DNAH5: variants seen among roughly 807,000 people sequenced by gnomAD.
The protein encoded by DNAH5 is dynein axonemal heavy chain 5, also known as axonemal beta dynein heavy chain 5.
DNAH5 carries 372 observed loss-of-function variants against 518.2 expected under a neutral mutation model. The ratio of observed to expected loss-of-function variants is 0.72; its 90% CI spans 0.66 to 0.78. The LOEUF (loss-of-function observed/expected upper bound fraction) is 0.78, where lower values mean the gene tolerates loss of function less well. DNAH5 is among the 30% of genes least tolerant of loss of function. The pLI is 0.00. For missense variants in DNAH5, 5,523 were observed against 5,687.0 expected (o/e 0.97, Z 0.93); for synonymous variants, 2,039 against 2,025.9 (o/e 1.01, Z -0.17).
At chr5:13,755,912 T>C (rs917484857) in intron 61 of DNAH5, among the ~76,000 whole-genome samples, 7 of 152,220 alleles carry the variant, frequency 4.6e-5, no homozygotes, top group Non-Finnish European at 8.8e-5. Flanking sequence ...CCAGGCTTCT[T>C]TGGGGGATTA....
At chr5:13,978,053 A>C (rs201217712) in intron 1 of DNAH5, among the ~76,000 whole-genome samples, 1 of 152,210 alleles carries the variant, frequency 6.6e-6, no homozygotes, top group East Asian at 1.9e-4. Flanking sequence ...TGCAGCTTTG[A>C]GGCCCAAGGG....
chr5:13,896,943 C>T (rs1773983408), intron 15 of DNAH5, among the ~76,000 whole-genome samples: 1 of 144,284 alleles, frequency 6.9e-6, no homozygotes, highest in Non-Finnish European at 1.5e-5. Flanking sequence ...GTTTTCCAAA[C>T]TGTTTTGCCT....
At chr5:13,891,379 CTTATT>C (rs1479247367) in intron 16 of DNAH5, among the ~76,000 whole-genome samples, 7 of 152,138 alleles carry the variant, frequency 4.6e-5, no homozygotes, top group African/African-American at 1.7e-4. Context: ...TATGATCATT[CTTATT>C]ATAAAGTTTT....
At chr5:13,720,602 G>A (rs1360546989) in intron 71 of DNAH5, among the ~76,000 whole-genome samples, 1 of 152,028 alleles carries the variant, frequency 6.6e-6, no homozygotes, top group Non-Finnish European at 1.5e-5. Flanking sequence ...TTGAACTCCT[G>A]AGCTCAAGCA....
chr5:13,808,446 CCTAGCAAA>C (rs1580353426), intron 46 of DNAH5, among the ~76,000 whole-genome samples: 2 of 151,970 alleles, frequency 1.3e-5, no homozygotes, highest in Non-Finnish European at 2.9e-5. Context: ...TTACAGCAGC[CCTAGCAAA>C]CTAGCTCAGC....
At chr5:13,935,071 G>A (rs1179501321) in intron 1 of DNAH5, among the ~76,000 whole-genome samples, 1 of 152,112 alleles carries the variant, frequency 6.6e-6, no homozygotes, top group Non-Finnish European at 1.5e-5. Flanking sequence ...CAGGAATTCA[G>A]CAACAACACA....
At position 13,882,849 on chromosome 5, in the gene DNAH5, C is replaced by T. The variant is rs13170062; in HGVS notation, c.3175-34G>A. 479,105 of 1,613,216 alleles carry T rather than the reference C, an allele frequency of 0.3. 73,953 individuals are homozygous for T. The highest frequency in any genetic ancestry group is 0.58 in the East Asian group (26,183 of 44,858). On this transcript the variant is annotated intron_variant, in intron 20 of 78. Coordinates refer to ENST00000265104, the MANE Select transcript of DNAH5 (RefSeq NM_001369.3). ...TAAAAGGATATTTTTCAGTTCTGTC[C>T]TATCTGTAAAAGAAGTGGTTTCCAT...
chr5:13,876,054 T>A (rs184559289), intron 22 of DNAH5, among the ~76,000 whole-genome samples: 8 of 152,302 alleles, frequency 5.3e-5, no homozygotes, highest in East Asian at 3.9e-4. Context: ...AGAGTTTTTT[T>A]AAAAAATAAA....
intron 12 of DNAH5, among the ~76,000 whole-genome samples, chr5:13,910,375 T>C (rs550257137): frequency 6.6e-6 from 1 of 152,298 alleles, no homozygotes; most frequent in East Asian, 1.9e-4. Flanking sequence ...AATTAGCACA[T>C]ACAAAGTGCT....
chr5:13,713,182 TAC>T (rs1340486476), intron 75 of DNAH5, among the ~76,000 whole-genome samples: 12 of 138,870 alleles, frequency 8.6e-5, no homozygotes, highest in South Asian at 2.3e-4. Context: ...TATATATATA[TAC>T]GGACATATAT....
intron 35 of DNAH5, among the ~76,000 whole-genome samples, chr5:13,838,699 C>T (rs758836573): frequency 4.6e-5 from 7 of 152,078 alleles, no homozygotes; most frequent in Non-Finnish European, 1.0e-4. Context: ...AAATAAAGTG[C>T]ACAATAAATG....
At chr5:13,935,540 A>T (rs571089156) in intron 1 of DNAH5, among the ~76,000 whole-genome samples, 1 of 152,208 alleles carries the variant, frequency 6.6e-6, no homozygotes, top group South Asian at 2.1e-4. Flanking sequence ...GCCTGAAGAC[A>T]AGTAATATGA....
chr5:13,692,197 G>A, intron 78 of DNAH5, 62 bp from the exon 79 acceptor site: 2 of 1,565,194 alleles, frequency 1.3e-6, no homozygotes, highest in Non-Finnish European at 1.8e-6. Flanking sequence ...CAAGGAGAAT[G>A]CAGAGCCATG....
At chr5:13,985,911 G>A (rs1783022136) in intron 1 of DNAH5, among the ~76,000 whole-genome samples, 1 of 152,230 alleles carries the variant, frequency 6.6e-6, no homozygotes, top group Non-Finnish European at 1.5e-5. Context: ...ATTCAGTGAA[G>A]CGTCTGCTCC....
chr5:13,946,835 GAAC>G (rs1779964399), upstream of DNAH5, among the ~76,000 whole-genome samples: 1 of 152,226 alleles, frequency 6.6e-6, no homozygotes, highest in Non-Finnish European at 1.5e-5. Context: ...TTCATTCATT[GAAC>G]AAAAGCTCGT....
At chr5:13,852,105 G>GC (rs60823017) in intron 30 of DNAH5, among the ~76,000 whole-genome samples, 152,256 of 152,260 alleles carry the variant, frequency 1, 76,126 homozygotes, top group Middle Eastern at 1. Context: ...CCCCACAAGG[G>GC]CCTGGGTTTC....
intron 35 of DNAH5, among the ~76,000 whole-genome samples, chr5:13,837,692 CTTTTTTTTTTTTTTTT>C (rs534618242): frequency 0.042 from 3,999 of 95,194 alleles, 209 homozygotes; most frequent in African/African-American, 0.15. Context: ...GGGAACTCCA[CTTTTTTTTTTTTTTTT>C]TTTTTTTTTT....
chr5:13,981,169 T>A (rs948143796), intron 1 of DNAH5, among the ~76,000 whole-genome samples: 1 of 152,232 alleles, frequency 6.6e-6, no homozygotes, highest in East Asian at 1.9e-4. Flanking sequence ...TGGTCTGTTG[T>A]GTCTGCGGCT....
chr5:13,813,500 C>CTAA (rs1319306758), intron 43 of DNAH5, among the ~76,000 whole-genome samples: 1 of 146,686 alleles, frequency 6.8e-6, no homozygotes, highest in Non-Finnish European at 1.5e-5. Context: ...CCCAGAGATT[C>CTAA]TAATTTGGTA....
Sources: gnomAD v4.1 joint callset for allele counts (sites outside exome capture counted in the v4.1 genomes callset) on GRCh38, gnomAD v4.1.1 for gene constraint, MANE v1.5 for transcripts, NCBI Gene and HGNC (gene_info 2026-07-23, HGNC 2026-07-21) for gene names.